Variants in RNF13 observed in about 807,000 individuals in gnomAD.
RNF13 encodes E3 ubiquitin-protein ligase RNF13.
Under a neutral mutation model 37.7 loss-of-function variants are expected in RNF13, and 19 were observed. The observed-to-expected ratio is 0.50, with a 90% CI of 0.35 to 0.74. The LOEUF (loss-of-function observed/expected upper bound fraction) is 0.74. RNF13 is among the 30% of genes least tolerant of loss of function. The pLI, the probability that RNF13 is intolerant of heterozygous loss-of-function variation, is 0.01. For synonymous variants in RNF13, 144 were observed against 157.8 expected (o/e 0.91, Z 0.65); for missense variants, 375 against 453.0 (o/e 0.83, Z 1.56).
intron 2 of RNF13, among the ~76,000 whole-genome samples, chr3:149,846,587 T>G (rs1330053929): frequency 6.6e-6 from 1 of 152,200 alleles, no homozygotes; most frequent in Non-Finnish European, 1.5e-5. Context: ...ATTACAGGTG[T>G]GAGCCACCAC....
In RNF13 at chr3:149,961,896, G is replaced by A. The variant is rs1410527708; in HGVS notation, c.*792G>A. ...AATAAATAGCATCTTATGCTAATTA[G>A]CCCTGCTAAACTATGTACAGAGGAA... is the stretch of plus-strand genomic sequence containing the variant. On this transcript the variant is annotated 3_prime_UTR_variant, in exon 10 of 10. Coordinates refer to ENST00000392894, the MANE Select transcript of RNF13 (RefSeq NM_183381.3). 6.5e-6 allele frequency: 1 copy of A among 152,730 alleles called. No homozygotes were observed. Among genetic ancestry groups the A allele is most frequent in the Non-Finnish European group, 1.5e-5 (1 of 68,148 alleles). 9.5% of individuals were successfully genotyped at this position (152,730 alleles called of 1,614,324 possible).
chr3:149,907,209 C>A (rs915223097), intron 6 of RNF13, among the ~76,000 whole-genome samples: 1 of 152,000 alleles, frequency 6.6e-6, no homozygotes, highest in East Asian at 1.9e-4. Flanking sequence ...ATAGTTTTAT[C>A]TTTTCCTTTC....
chr3:149,923,797 A>C, intron 8 of RNF13, among the ~76,000 whole-genome samples: 1 of 151,952 alleles, frequency 6.6e-6, no homozygotes, highest in Non-Finnish European at 1.5e-5. Flanking sequence ...AAGTTTAAAA[A>C]ATGGTGATAC....
chr3:149,886,635 A>G (rs1384013807), intron 4 of RNF13, among the ~76,000 whole-genome samples: 2 of 152,158 alleles, frequency 1.3e-5, no homozygotes, highest in Admixed American at 6.5e-5. Flanking sequence ...TGCCTGTACA[A>G]TACTAAATAG....
intron 8 of RNF13, among the ~76,000 whole-genome samples, chr3:149,956,792 C>A (rs1721909048): frequency 6.6e-6 from 1 of 152,110 alleles, no homozygotes; most frequent in African/African-American, 2.4e-5. Context: ...TGTTAGCCTG[C>A]AGGGGTTTCT....
chr3:149,931,704 A>C (rs1204778188), intron 8 of RNF13, among the ~76,000 whole-genome samples: 1 of 152,228 alleles, frequency 6.6e-6, no homozygotes, highest in African/African-American at 2.4e-5. Flanking sequence ...TGTTGGGAAT[A>C]ATTCAAAGCT....
At chr3:149,938,839 G>A (rs541815829) in intron 8 of RNF13, among the ~76,000 whole-genome samples, 72 of 152,168 alleles carry the variant, frequency 4.7e-4, no homozygotes, top group African/African-American at 1.7e-3. Context: ...GGCATTTTGG[G>A]CAACACATTC....
chr3:149,913,880 A>AT lies in RNF13; in HGVS notation c.606+1803dup, dbSNP rs1717234862. Among the ~76,000 whole-genome samples the AT allele has an allele frequency of 2.0e-5, 3 of 152,002 alleles. No individual in the cohort carries two copies. In the South Asian group the frequency reaches 6.2e-4, roughly 31 times the overall value. ...GAATTTCTCCACTTATAAAGTTAAT[A>AT]TTTTTTCCTTTTTCTACTCTTTTCT... is the stretch of plus-strand genomic sequence containing the variant. On this transcript the variant is annotated intron_variant, in intron 7 of 9. Coordinates refer to ENST00000392894, the MANE Select transcript of RNF13 (RefSeq NM_183381.3).
chr3:149,826,178 G>A (rs1025634194), intron 1 of RNF13, among the ~76,000 whole-genome samples: 3 of 152,194 alleles, frequency 2.0e-5, no homozygotes, highest in African/African-American at 7.2e-5. Flanking sequence ...TTGTCAGAGG[G>A]AAATGGAATG....
intron 8 of RNF13, chr3:149,939,208 T>G (rs1720003885): frequency 3.9e-6 from 2 of 517,746 alleles, no homozygotes; most frequent in Non-Finnish European, 7.5e-6. Flanking sequence ...TGATTTGACT[T>G]CTGTGCATTT....
chr3:149,956,162 T>C (rs1307706675), intron 8 of RNF13, among the ~76,000 whole-genome samples: 1 of 152,098 alleles, frequency 6.6e-6, no homozygotes, highest in African/African-American at 2.4e-5. Context: ...AGGGAAGCCA[T>C]TTAAATTAGA....
At chr3:149,829,170 G>A (rs1720791357) in intron 1 of RNF13, among the ~76,000 whole-genome samples, 1 of 152,088 alleles carries the variant, frequency 6.6e-6, no homozygotes, top group Non-Finnish European at 1.5e-5. Flanking sequence ...GGCTATCTTG[G>A]CTCACTGCAA....
intron 3 of RNF13, among the ~76,000 whole-genome samples, chr3:149,866,996 A>G (rs1306787930): frequency 2.0e-5 from 3 of 152,136 alleles, no homozygotes; most frequent in African/African-American, 4.8e-5. Flanking sequence ...TGTCTTTTCT[A>G]TAACTGTTGG....
intron 3 of RNF13, among the ~76,000 whole-genome samples, chr3:149,869,129 G>T (rs938050240): frequency 1.3e-5 from 2 of 151,458 alleles, no homozygotes; most frequent in Non-Finnish European, 2.9e-5. Flanking sequence ...GATGTTGAGA[G>T]CCTTTAATGA....
At chr3:149,831,294 A>G (rs1171163902) in intron 1 of RNF13, among the ~76,000 whole-genome samples, 1 of 152,208 alleles carries the variant, frequency 6.6e-6, no homozygotes, top group East Asian at 1.9e-4. Context: ...TTACACTCTC[A>G]ATGCCAGCCC....
intron 6 of RNF13, among the ~76,000 whole-genome samples, chr3:149,907,462 G>T (rs1328985291): frequency 6.6e-6 from 1 of 152,030 alleles, no homozygotes; most frequent in Admixed American, 6.6e-5. Context: ...TTTTAAAAAG[G>T]ATGGTATATT....
chr3:149,898,180 C>T (rs558091959), intron 5 of RNF13, among the ~76,000 whole-genome samples: 1 of 152,258 alleles, frequency 6.6e-6, no homozygotes, highest in Admixed American at 6.5e-5. Flanking sequence ...TATGAGAAAA[C>T]CCATGCAATG....
Position 149,949,887 on chromosome 3 carries a change from A to C in RNF13, c.701-10169A>C, listed in dbSNP as rs897934718. Among the ~76,000 whole-genome samples, 3 of 151,556 alleles carry C rather than the reference A, an allele frequency of 2.0e-5. No individual in the cohort carries two copies. In the East Asian group the frequency reaches 5.8e-4, roughly 29 times the overall value. On this transcript the variant is annotated intron_variant, in intron 8 of 9. Coordinates refer to ENST00000392894, the MANE Select transcript of RNF13 (RefSeq NM_183381.3). ...CATTATAACTTTATTTATTGCTTCT[A>C]TTCTTTTCTCTTTTAATTTTCTTGA...
intron 4 of RNF13, among the ~76,000 whole-genome samples, chr3:149,880,509 A>G (rs2108459850): frequency 6.6e-6 from 1 of 152,260 alleles, no homozygotes; most frequent in East Asian, 1.9e-4. Flanking sequence ...CAAAGTAAAG[A>G]TTTTTTTAAA....
Sources: gnomAD v4.1 joint callset for allele counts (sites outside exome capture counted in the v4.1 genomes callset) on GRCh38, gnomAD v4.1.1 for gene constraint, MANE v1.5 for transcripts, NCBI Gene and HGNC (gene_info 2026-07-23, HGNC 2026-07-21) for gene names.